The following MMS22L variants were observed in gnomAD, a reference collection of about 807,000 sequenced individuals.
MMS22L encodes protein MMS22-like.
Under a neutral mutation model 159.1 loss-of-function variants are expected in MMS22L, and 74 were observed. That is an observed-to-expected ratio of 0.47 (90% confidence interval 0.39 to 0.56). The LOEUF (loss-of-function observed/expected upper bound fraction) is 0.56. Ranked by LOEUF, MMS22L falls within the 20% of genes least tolerant of loss-of-function variation. The probability of loss-of-function intolerance (pLI) is 0.00; values close to 1 mark genes in which losing one functional copy is unlikely to be tolerated. For synonymous variants in MMS22L, 517 were observed against 506.9 expected (o/e 1.02, Z -0.27); for missense variants, 1,351 against 1,422.1 (o/e 0.95, Z 0.80).
intron 14 of MMS22L, among the ~76,000 whole-genome samples, chr6:97,211,356 A>G (rs1395380914): frequency 6.6e-6 from 1 of 152,126 alleles, no homozygotes; most frequent in Non-Finnish European, 1.5e-5. Flanking sequence ...TGGCAAATTA[A>G]TATTAAAAGA....
At chr6:97,236,678 A>G (rs1049678198) in intron 11 of MMS22L, among the ~76,000 whole-genome samples, 4 of 152,148 alleles carry the variant, frequency 2.6e-5, no homozygotes, top group South Asian at 2.1e-4. Flanking sequence ...AAGGCCGGGC[A>G]CGGTGGCTCA....
chr6:97,280,211 A>G (rs1349526404), intron 3 of MMS22L, among the ~76,000 whole-genome samples: 1 of 152,222 alleles, frequency 6.6e-6, no homozygotes, highest in African/African-American at 2.4e-5. Context: ...TGTATCACAT[A>G]TAGATTTTTA....
At chr6:97,197,364 A>G (rs1403376189) in intron 14 of MMS22L, among the ~76,000 whole-genome samples, 1 of 151,938 alleles carries the variant, frequency 6.6e-6, no homozygotes, top group Non-Finnish European at 1.5e-5. Flanking sequence ...ACGAAAGTAA[A>G]AGAGGGGGAG....
At chr6:97,232,303 G>T (rs1810957605) in intron 12 of MMS22L, among the ~76,000 whole-genome samples, 1 of 152,220 alleles carries the variant, frequency 6.6e-6, no homozygotes, top group East Asian at 1.9e-4. Context: ...TCGTAGCATT[G>T]ATGATCATTG....
chr6:97,215,821 C>T (rs1008689274), intron 14 of MMS22L, among the ~76,000 whole-genome samples: 4 of 152,038 alleles, frequency 2.6e-5, no homozygotes, highest in Non-Finnish European at 5.9e-5. Flanking sequence ...CCCTTAAACC[C>T]CCCTGTTGCT....
chr6:97,205,094 C>T (rs1225035702), intron 14 of MMS22L, among the ~76,000 whole-genome samples: 1 of 151,480 alleles, frequency 6.6e-6, no homozygotes, highest in Non-Finnish European at 1.5e-5. Flanking sequence ...CAGGTGTGCG[C>T]CACCATGCCC....
In MMS22L at chr6:97,168,312, A is replaced by C. The variant is rs546046670; in HGVS notation, c.2840-72T>G. On this transcript the variant is annotated intron_variant, in intron 19 of 24. Transcript: ENST00000683635. ...AGAACATTTTGTCACTTAATTTAAA[A>C]ATTTGTATTGAAAGCACATGGGACC... The C allele has an allele frequency of 1.1e-3, 1,597 of 1,449,296 alleles. 4 individuals carry two copies. Among genetic ancestry groups the C allele is most frequent in the Middle Eastern group, 1.5e-3 (8 of 5,180 alleles). 89.8% of individuals were successfully genotyped at this position (1,449,296 alleles called of 1,614,324 possible). A position where few individuals can be genotyped will look rare whatever the true frequency, so the allele number is the denominator to read the frequency against.
intron 14 of MMS22L, among the ~76,000 whole-genome samples, chr6:97,223,359 C>T (rs118121161): frequency 0.012 from 1,760 of 152,062 alleles, 25 homozygotes; most frequent in Non-Finnish European, 0.014. Flanking sequence ...CATTATTTCC[C>T]TTGTCAGAGA....
intron 14 of MMS22L, among the ~76,000 whole-genome samples, chr6:97,193,952 G>A (rs908519860): frequency 6.6e-6 from 1 of 152,096 alleles, no homozygotes; most frequent in South Asian, 2.1e-4. Flanking sequence ...TAGTAGAGAC[G>A]GGGTTTCACC....
At chr6:97,264,104 C>T (rs1001510163) in intron 8 of MMS22L, 1 of 152,156 alleles carries the variant, frequency 6.6e-6, no homozygotes, top group Non-Finnish European at 1.5e-5. Flanking sequence ...CATTTCAGTA[C>T]AACAGCCGCA....
chr6:97,217,902 A>C (rs1809197911), intron 14 of MMS22L, among the ~76,000 whole-genome samples: 2 of 152,076 alleles, frequency 1.3e-5, no homozygotes, highest in African/African-American at 4.8e-5. Context: ...CCATTTTCTA[A>C]GTTCCCTCTT....
At chr6:97,219,331 T>C (rs376574365) in intron 14 of MMS22L, among the ~76,000 whole-genome samples, 2 of 152,336 alleles carry the variant, frequency 1.3e-5, no homozygotes, top group African/African-American at 4.8e-5. Flanking sequence ...GTATTGAATG[T>C]ACTGAAAGCT....
At chr6:97,214,514 C>A (rs1404255227) in intron 14 of MMS22L, among the ~76,000 whole-genome samples, 1 of 152,096 alleles carries the variant, frequency 6.6e-6, no homozygotes, top group Non-Finnish European at 1.5e-5. Context: ...AATAGTAGTT[C>A]TCTCAGCATG....
intron 4 of MMS22L, among the ~76,000 whole-genome samples, chr6:97,276,714 T>C (rs528953228): frequency 4.2e-4 from 64 of 152,370 alleles, no homozygotes; most frequent in African/African-American, 1.5e-3. Context: ...CGAAAAACTT[T>C]TCCCAAATCT....
At chr6:97,249,252 C>G (rs1582787176) in intron 10 of MMS22L, among the ~76,000 whole-genome samples, 1 of 152,222 alleles carries the variant, frequency 6.6e-6, no homozygotes, top group African/African-American at 2.4e-5. Context: ...CGTGGCCTGA[C>G]TCCATTAAGA....
rs986697029 is a variant in MMS22L, at chr6:97,265,258, A to G, written c.829-1810T>C. 7 of 152,258 alleles carry G rather than the reference A, an allele frequency of 4.6e-5. 1 individual carries two copies. The highest frequency in any genetic ancestry group is 2.0e-4 in the Admixed American group (3 of 15,272). 9.4% of individuals were successfully genotyped at this position (152,258 alleles called of 1,614,324 possible). Reference sequence around the variant, plus strand: ...GATGAAAAGAGCATGACACGGGGAAAGGACAGCTTCTTCAATAAACAGGTT... The same window carrying G: ...GATGAAAAGAGCATGACACGGGGAAGGGACAGCTTCTTCAATAAACAGGTT... On this transcript the variant is annotated intron_variant, in intron 8 of 24. Coordinates refer to ENST00000683635, the MANE Select transcript of MMS22L (RefSeq NM_001350599.2).
intron 14 of MMS22L, among the ~76,000 whole-genome samples, chr6:97,205,409 A>G (rs1487425779): frequency 6.6e-6 from 1 of 152,104 alleles, no homozygotes; most frequent in Non-Finnish European, 1.5e-5. Flanking sequence ...GCTACACAAT[A>G]ATGGGCTATG....
At chr6:97,224,422 C>A (rs1809998218) in intron 14 of MMS22L, among the ~76,000 whole-genome samples, 1 of 151,836 alleles carries the variant, frequency 6.6e-6, no homozygotes, top group Non-Finnish European at 1.5e-5. Context: ...ATTTAAGGAG[C>A]AAAAATTTGT....
chr6:97,160,501 G>A (rs952283052), intron 22 of MMS22L, among the ~76,000 whole-genome samples: 10 of 151,986 alleles, frequency 6.6e-5, no homozygotes, highest in Non-Finnish European at 1.0e-4. Flanking sequence ...TCTTGTAGAG[G>A]ATGAGTCATT....
Sources: gnomAD v4.1 joint callset for allele counts (sites outside exome capture counted in the v4.1 genomes callset) on GRCh38, gnomAD v4.1.1 for gene constraint, MANE v1.5 for transcripts, NCBI Gene and HGNC (gene_info 2026-07-23, HGNC 2026-07-21) for gene names.